Variants in NCOR1 observed in about 807,000 individuals in gnomAD.
The protein encoded by NCOR1 is nuclear receptor corepressor 1.
A neutral mutation model predicts 288.1 loss-of-function variants in NCOR1; 63 were observed. The observed-to-expected ratio is 0.22, with a 90% confidence interval of 0.18 to 0.27. The LOEUF (loss-of-function observed/expected upper bound fraction) is 0.27, where lower values mean the gene tolerates loss of function less well. NCOR1 is among the 10% of genes least tolerant of loss of function. The probability of loss-of-function intolerance (pLI) is 1.00; values close to 1 mark genes in which losing one functional copy is unlikely to be tolerated. For synonymous variants in NCOR1, 1,007 were observed against 1,065.9 expected, an observed-to-expected ratio of 0.94 and a Z score of 1.08; for missense variants, 2,397 against 3,019.2, an observed-to-expected ratio of 0.79 and a Z score of 4.83.
At chr17:16,051,330 G>A (rs929329343) in intron 40 of NCOR1, among the ~76,000 whole-genome samples, 4 of 152,058 alleles carry the variant, frequency 2.6e-5, no homozygotes, top group African/African-American at 9.7e-5. Flanking sequence ...GAACTACAGA[G>A]AAACTCCTCT....
Position 16,141,451 on chromosome 17 carries a change from T to C in NCOR1, c.1173+2155A>G, listed in dbSNP as rs771789984. On this transcript the variant is annotated intron_variant, in intron 11 of 45. Coordinates refer to ENST00000268712, the MANE Select transcript of NCOR1 (RefSeq NM_006311.4). ...AAGGAACTCTGAGATATAGTTTATATAGTTCTATACCTCCTCCAGGGCTAG... is the reference window on the plus strand; with the variant it reads ...AAGGAACTCTGAGATATAGTTTATACAGTTCTATACCTCCTCCAGGGCTAG... Among the ~76,000 whole-genome samples, 86 of 152,170 alleles carry C rather than the reference T, an allele frequency of 5.7e-4. 1 individual carries two copies. Among genetic ancestry groups the C allele is most frequent in the Non-Finnish European group, 5.1e-4 (35 of 68,018 alleles).
rs1567951601 is a variant in NCOR1, at chr17:16,092,008, A to G, written c.2871T>C (p.Tyr957=). The G allele has an allele frequency of 2.5e-6, 4 of 1,614,178 alleles. No individual in the cohort carries two copies. The highest frequency in any genetic ancestry group is 3.4e-6 in the Non-Finnish European group (4 of 1,180,016). Residue 957 remains tyrosine (Y), a synonymous_variant, in exon 22 of 46, where the codon TAT becomes TAC. Coordinates refer to ENST00000268712, the MANE Select transcript of NCOR1 (RefSeq NM_006311.4). ...NIPIGTPVSG[Y]ALYQRHIKAM... is the part of the protein sequence containing the mutation. Reference sequence around the variant, plus strand: ...CTTTAATGTGTCGCTGGTAGAGAGCATAGCCGCTCACTGGGGTTCCAATTG... The same window carrying G: ...CTTTAATGTGTCGCTGGTAGAGAGCGTAGCCGCTCACTGGGGTTCCAATTG...
At chr17:16,049,098 C>A in intron 40 of NCOR1, 110 bp from the exon 41 acceptor site, 2 of 1,173,748 alleles carry the variant, frequency 1.7e-6, no homozygotes, top group Non-Finnish European at 2.3e-6. Flanking sequence ...GCAAAAGCTG[C>A]CAATTTCTAT....
intron 17 of NCOR1, among the ~76,000 whole-genome samples, chr17:16,118,368 T>C (rs1283992152): frequency 2.6e-5 from 4 of 152,194 alleles, no homozygotes; most frequent in African/African-American, 9.6e-5. Flanking sequence ...TCTAGATCTC[T>C]GGACACAATA....
chr17:16,046,871 G>T, intron 42 of NCOR1, 80 bp downstream of exon 42: 1 of 1,500,338 alleles, frequency 6.7e-7, no homozygotes, highest in Non-Finnish European at 9.1e-7. Flanking sequence ...TCAAACTCAA[G>T]CATTACAGGA....
chr17:16,116,972 A>G (rs768728240), intron 18 of NCOR1, among the ~76,000 whole-genome samples: 6 of 152,218 alleles, frequency 3.9e-5, no homozygotes, highest in Non-Finnish European at 7.3e-5. Context: ...CAAATGTCAT[A>G]TACTGAAAAA....
intron 18 of NCOR1, among the ~76,000 whole-genome samples, chr17:16,110,873 G>A (rs2069965820): frequency 6.6e-6 from 1 of 152,202 alleles, no homozygotes; most frequent in Non-Finnish European, 1.5e-5. Flanking sequence ...TAAGTTCATA[G>A]CAGGAATGCA....
Position 16,153,331 on chromosome 17 carries a change from T to C in NCOR1, c.789+8A>G. On this transcript the variant is annotated splice_region_variant and intron_variant, in intron 7 of 45. Transcript: ENST00000268712. ...AAAAAATCACTGGAAATGAAAAAATTTACTTACCAGTTCAACTTTTGGGCC... is the reference window on the plus strand; with the variant it reads ...AAAAAATCACTGGAAATGAAAAAATCTACTTACCAGTTCAACTTTTGGGCC... 1 of 1,566,424 alleles carries C rather than the reference T, an allele frequency of 6.4e-7. No individual in the cohort carries two copies. The highest frequency in any genetic ancestry group is 8.7e-7 in the Non-Finnish European group (1 of 1,155,534).
intron 14 of NCOR1, among the ~76,000 whole-genome samples, chr17:16,133,440 G>A (rs1339124985): frequency 6.6e-6 from 1 of 152,174 alleles, no homozygotes; most frequent in African/African-American, 2.4e-5. Context: ...GATCACCTGA[G>A]CTAAACCCTC....
chr17:16,093,191 ATTC>A (rs749471799), intron 21 of NCOR1, among the ~76,000 whole-genome samples: 6 of 152,140 alleles, frequency 3.9e-5, no homozygotes, highest in Non-Finnish European at 8.8e-5. Context: ...TTGAAACTCC[ATTC>A]TTCTTCAGTT....
chr17:16,171,806 C>A lies in NCOR1; in HGVS notation c.432G>T (p.Lys144Asn). 1 of 1,582,254 alleles carries A rather than the reference C, an allele frequency of 6.3e-7. No individual in the cohort carries two copies. Among genetic ancestry groups the A allele is most frequent in the Non-Finnish European group, 8.6e-7 (1 of 1,167,580 alleles). The stretch of plus-strand genomic sequence containing the variant: ...GGGTAAGAGAACAAATATTTACCTT[C>A]TTAGCATCTGCAGAAGCCCTCAGCC... ...PEGLRASADA[K>N]KDPAFGGKHE... Residue 144 changes from lysine to asparagine, a missense_variant, in exon 4 of 46, where the codon AAG becomes AAT. Lys to Asn is a moderately conservative substitution (Grantham distance 94). Coordinates refer to ENST00000268712, the MANE Select transcript of NCOR1 (RefSeq NM_006311.4).
chr17:16,088,349 T>C (rs966075216), intron 22 of NCOR1, among the ~76,000 whole-genome samples: 1 of 152,172 alleles, frequency 6.6e-6, no homozygotes, highest in Non-Finnish European at 1.5e-5. Context: ...ATATGTCATA[T>C]TGGTAAGAAA....
At chr17:16,161,029 T>C (rs2080741639) in intron 5 of NCOR1, among the ~76,000 whole-genome samples, 1 of 152,114 alleles carries the variant, frequency 6.6e-6, no homozygotes, top group Non-Finnish European at 1.5e-5. Context: ...CTGTTATCTG[T>C]ACAAGCAAAA....
At position 16,080,521 on chromosome 17, in the gene NCOR1, C is replaced by T. The variant is rs767962949; in HGVS notation, c.3299-12G>A. ...GTAGGGCAAAGTAGCTGTGGAAAGG[C>T]AGAGAAACATGAAACAATCCAGTAC... On this transcript the variant is annotated splice_polypyrimidine_tract_variant and intron_variant, in intron 24 of 45. Transcript: ENST00000268712. 2.5e-6 allele frequency: 4 copies of T among 1,613,678 alleles called. No homozygotes were observed. In the African/African-American group the frequency reaches 5.3e-5, roughly 22 times the overall value.
At chr17:16,049,251 G>A in intron 40 of NCOR1, 1 of 242,020 alleles carries the variant, frequency 4.1e-6, no homozygotes, top group Non-Finnish European at 7.9e-6. Context: ...GTGCTGCCCG[G>A]GCAGCAGCAG....
At chr17:16,059,621 T>G (rs919402707) in intron 37 of NCOR1, among the ~76,000 whole-genome samples, 2 of 152,118 alleles carry the variant, frequency 1.3e-5, no homozygotes, top group African/African-American at 2.4e-5. Flanking sequence ...GAGCTGACAG[T>G]TGGGAGCAGA....
chr17:16,093,569 C>T (rs544662132), intron 21 of NCOR1, among the ~76,000 whole-genome samples: 2 of 152,146 alleles, frequency 1.3e-5, no homozygotes, highest in Non-Finnish European at 2.9e-5. Flanking sequence ...TCATGAATAA[C>T]AAATATCCCT....
chr17:16,170,405 A>G (rs1003141397), intron 4 of NCOR1, among the ~76,000 whole-genome samples: 11 of 152,230 alleles, frequency 7.2e-5, no homozygotes, highest in African/African-American at 2.2e-4. Flanking sequence ...GTATGTTGGT[A>G]AAAAGGTTAA....
chr17:16,205,602 C>T (rs1265184732), intron 1 of NCOR1, among the ~76,000 whole-genome samples: 1 of 140,984 alleles, frequency 7.1e-6, no homozygotes, highest in Non-Finnish European at 1.5e-5. Flanking sequence ...GCCTGGGCAA[C>T]AAGAGCGAGG....
Sources: allele counts gnomAD v4.1 joint callset (sites outside exome capture counted in the v4.1 genomes callset), GRCh38; gene constraint gnomAD v4.1.1; transcripts MANE v1.5; gene names NCBI Gene and HGNC (gene_info 2026-07-23, HGNC 2026-07-21).